Variants in NQO1 observed in about 807,000 individuals in gnomAD.
The protein encoded by NQO1 is NAD(P)H dehydrogenase [quinone] 1.
Under a neutral mutation model 32.1 loss-of-function variants are expected in NQO1, and 30 were observed. The ratio of observed to expected loss-of-function variants is 0.94; its 90% CI spans 0.70 to 1.27. The LOEUF is 1.27. Among genes scored for constraint, NQO1 ranks in the 50% most tolerant of loss-of-function variants. The pLI, the probability that NQO1 is intolerant of heterozygous loss-of-function variation, is 0.00. For missense variants in NQO1, 276 were observed against 331.3 expected (o/e 0.83, Z 1.30); for synonymous variants, 109 against 119.7 (o/e 0.91, Z 0.59).
chr16:69,715,215 G>T, intron 3 of NQO1, 138 bp from the exon 4 acceptor site: 1 of 651,230 alleles, frequency 1.5e-6, no homozygotes, highest in South Asian at 1.7e-5. Flanking sequence ...CTCCTGGGGA[G>T]TTAGCACTTT....
At chr16:69,717,679 CT>C (rs903363093) in intron 3 of NQO1, among the ~76,000 whole-genome samples, 12 of 151,218 alleles carry the variant, frequency 7.9e-5, no homozygotes, top group African/African-American at 2.9e-4. Context: ...GTGGCGCAAT[CT>C]TGGTTCACTT....
Position 69,711,242 on chromosome 16 carries a change from G to A in NQO1, c.559C>T (p.Pro187Ser), listed in dbSNP as rs1800566. 333,132 of 1,610,182 alleles carry A rather than the reference G, an allele frequency of 0.21. 37,821 individuals are homozygous for A. The highest frequency in any genetic ancestry group is 0.42 in the East Asian group (18,730 of 44,736). Residue 187 changes from proline to serine, a missense_variant, in exon 6 of 6, where the codon CCT becomes TCT. By Grantham distance (74) the Pro-to-Ser change is moderately conservative (BLOSUM62 -1). Coordinates refer to ENST00000320623, the MANE Select transcript of NQO1 (RefSeq NM_000903.3). ...TGCCCAATGCTATATGTCAGTTGAG[G>A]TTCTAAGACTTGGAAGCCACAGAAA... ...LHFCGFQVLEPQLTYSIGHTP... is the reference protein window; with the variant it reads ...LHFCGFQVLESQLTYSIGHTP...
rs114497200 is a variant in NQO1, at chr16:69,715,891, G to A, written c.304-814C>T. On this transcript the variant is annotated intron_variant, in intron 3 of 5. Transcript: ENST00000320623. ...AACTAATAATCAGTGTGATGGCTGA[G>A]TGTGGTTGCTCATGCCTATAATCCC... Among the ~76,000 whole-genome samples the A allele has an allele frequency of 8.8e-3, 1,336 of 152,220 alleles. 19 individuals carry two copies. Among genetic ancestry groups the A allele is most frequent in the African/African-American group, 0.031 (1,278 of 41,522 alleles).
At chr16:69,721,720 G>A (rs943265856) in intron 1 of NQO1, among the ~76,000 whole-genome samples, 17 of 151,574 alleles carry the variant, frequency 1.1e-4, no homozygotes, top group African/African-American at 1.5e-4. Context: ...GTGGCTGGGC[G>A]TGGTGGCTCA....
chr16:69,724,924 C>G (rs1478103745), intron 1 of NQO1, among the ~76,000 whole-genome samples: 1 of 152,150 alleles, frequency 6.6e-6, no homozygotes, highest in Non-Finnish European at 1.5e-5. Context: ...CCCTTTTCAC[C>G]TCATTACCAC....
chr16:69,711,654 C>CTTTT (rs903633662), intron 5 of NQO1, among the ~76,000 whole-genome samples: 1 of 136,722 alleles, frequency 7.3e-6, no homozygotes, highest in Non-Finnish European at 1.6e-5. Flanking sequence ...TTTTCTTTTT[C>CTTTT]TTTTTTTTTT....
chr16:69,710,665 C>A lies in NQO1; in HGVS notation c.*311G>T. The A allele has an allele frequency of 3.2e-6, 1 of 311,430 alleles. No individual in the cohort carries two copies. Among genetic ancestry groups the A allele is most frequent in the Non-Finnish European group, 6.0e-6 (1 of 167,924 alleles). 19.3% of individuals were successfully genotyped at this position (311,430 alleles called of 1,614,324 possible). ...TGAATGATACCTAGCCAAACTGTAC[C>A]CTAAAACTTTAGCCCTAAAAAGAGG... On this transcript the variant is annotated 3_prime_UTR_variant, in exon 6 of 6. Transcript: ENST00000320623.
rs566759721 is a variant in NQO1, at chr16:69,714,623, TAA to T, written c.417+339_417+340del. Among the ~76,000 whole-genome samples, 275 of 151,142 alleles carry T rather than the reference TAA, an allele frequency of 1.8e-3. 1 individual carries two copies. Among genetic ancestry groups the T allele is most frequent in the African/African-American group, 6.3e-3 (258 of 41,202 alleles). The stretch of plus-strand genomic sequence containing the variant: ...AGCCGGGCACAGTGGCTCACACCGG[TAA>T]TCACAGCACTTTGGGAGGCTGAGGC... On this transcript the variant is annotated intron_variant, in intron 4 of 5. Coordinates refer to ENST00000320623, the MANE Select transcript of NQO1 (RefSeq NM_000903.3).
At chr16:69,717,986 C>A in intron 3 of NQO1, 137 bp downstream of exon 3, 1 of 1,236,018 alleles carries the variant, frequency 8.1e-7, no homozygotes, top group South Asian at 1.4e-5. Flanking sequence ...AATACTGCAC[C>A]TTTAAAGTAA....
rs1029807571 is a variant in NQO1, at chr16:69,709,727, A to T, written c.*1249T>A. On this transcript the variant is annotated 3_prime_UTR_variant, in exon 6 of 6. Transcript: ENST00000320623. ...TATCATATTCTCCTTGAATTATATA[A>T]TACCAACAGTGGAATGAGATGACTT... The T allele has an allele frequency of 7.5e-6, 3 of 398,396 alleles. No homozygotes were observed. Among genetic ancestry groups the T allele is most frequent in the Admixed American group, 4.4e-5 (1 of 22,706 alleles). 24.7% of individuals were successfully genotyped at this position (398,396 alleles called of 1,614,324 possible). A position where few individuals can be genotyped will look rare whatever the true frequency, so the allele number is the denominator to read the frequency against.
rs1379097046 is a variant in NQO1 at position 69,710,741 on chromosome 16, C to T, written c.*235G>A. Reference sequence around the variant, plus strand: ...AGAACATTTTTCTAGCATCTTTCTACATCTTTCCCTAAGTGGCCTCTTGAG... The same window carrying T: ...AGAACATTTTTCTAGCATCTTTCTATATCTTTCCCTAAGTGGCCTCTTGAG... On this transcript the variant is annotated 3_prime_UTR_variant, in exon 6 of 6. Coordinates refer to ENST00000320623, the MANE Select transcript of NQO1 (RefSeq NM_000903.3). 1.2e-5 allele frequency: 6 copies of T among 521,706 alleles called. No individual in the cohort carries two copies. Among genetic ancestry groups the T allele is most frequent in the Admixed American group, 3.5e-5 (1 of 28,632 alleles). The allele number at this position is 521,706 out of a possible 1,614,324, so 32.3% of individuals were successfully genotyped here.
At chr16:69,717,981 T>C (rs2038136487) in intron 3 of NQO1, 142 bp downstream of exon 3, 2 of 1,177,510 alleles carry the variant, frequency 1.7e-6, no homozygotes, top group Non-Finnish European at 2.4e-6. Flanking sequence ...CATGTAATAC[T>C]GCACCTTTAA....
rs543550011 is a variant in NQO1 at position 69,715,184 on chromosome 16, C to T, written c.304-107G>A. ...CATGATGGCACTGTGTGGGAAGCCC[C>T]TCTTCACACCTTTCCCATTCCTCCT... On this transcript the variant is annotated intron_variant, in intron 3 of 5. Coordinates refer to ENST00000320623, the MANE Select transcript of NQO1 (RefSeq NM_000903.3). 14 of 759,640 alleles carry T rather than the reference C, an allele frequency of 1.8e-5. No individual in the cohort carries two copies. In the East Asian group the frequency reaches 2.8e-4, roughly 15 times the overall value. The allele number at this position is 759,640 out of a possible 1,614,324, so 47.1% of individuals were successfully genotyped here. A position where few individuals can be genotyped will look rare whatever the true frequency, so the allele number is the denominator to read the frequency against.
rs966911168 is a variant in NQO1 at position 69,710,464 on chromosome 16, G to A, written c.*512C>T. The A allele has an allele frequency of 1.3e-5, 2 of 157,758 alleles. No individual in the cohort carries two copies. The highest frequency in any genetic ancestry group is 4.8e-5 in the African/African-American group (2 of 41,422). The allele number at this position is 157,758 out of a possible 1,614,324, so 9.8% of individuals were successfully genotyped here. ...CTGACCAAGAGTGGTACTTGTGCTA[G>A]GCATATTAGTAACTGCTTTGTAATT... On this transcript the variant is annotated 3_prime_UTR_variant, in exon 6 of 6. Coordinates refer to ENST00000320623, the MANE Select transcript of NQO1 (RefSeq NM_000903.3).
At position 69,709,720 on chromosome 16, in the gene NQO1, T is replaced by C. The variant is rs761263569; in HGVS notation, c.*1256A>G. 1 of 398,468 alleles carries C rather than the reference T, an allele frequency of 2.5e-6. No individual in the cohort carries two copies. Among genetic ancestry groups the C allele is most frequent in the Non-Finnish European group, 4.4e-6 (1 of 225,996 alleles). The allele number at this position is 398,468 out of a possible 1,614,324, so 24.7% of individuals were successfully genotyped here. A position where few individuals can be genotyped will look rare whatever the true frequency, so the allele number is the denominator to read the frequency against. On this transcript the variant is annotated 3_prime_UTR_variant, in exon 6 of 6. Coordinates refer to ENST00000320623, the MANE Select transcript of NQO1 (RefSeq NM_000903.3). ...AGTGTTTTATCATATTCTCCTTGAA[T>C]TATATAATACCAACAGTGGAATGAG... is the stretch of plus-strand genomic sequence containing the variant.
At chr16:69,711,710 A>G (rs2038043971) in intron 5 of NQO1, among the ~76,000 whole-genome samples, 2 of 142,852 alleles carry the variant, frequency 1.4e-5, no homozygotes, top group African/African-American at 5.3e-5. Context: ...CTGGAGTGCC[A>G]TGGCACGATC....
At chr16:69,724,086 G>T (rs1026677934) in intron 1 of NQO1, among the ~76,000 whole-genome samples, 2 of 151,904 alleles carry the variant, frequency 1.3e-5, no homozygotes, top group African/African-American at 2.4e-5. Context: ...GACCGAGGCG[G>T]GTGGATTACT....
At chr16:69,724,561 G>T (rs1157565873) in intron 1 of NQO1, among the ~76,000 whole-genome samples, 2 of 151,682 alleles carry the variant, frequency 1.3e-5, no homozygotes, top group African/African-American at 4.8e-5. Flanking sequence ...AATTAGCTGG[G>T]TGTGGTGGCA....
At chr16:69,717,744 C>T (rs2038133504) in intron 3 of NQO1, among the ~76,000 whole-genome samples, 1 of 152,122 alleles carries the variant, frequency 6.6e-6, no homozygotes, top group South Asian at 2.1e-4. Context: ...TCCAGAGTAG[C>T]TGGGACTACA....
Sources: allele counts gnomAD v4.1 joint callset (sites outside exome capture counted in the v4.1 genomes callset), GRCh38; gene constraint gnomAD v4.1.1; transcripts MANE v1.5; gene names NCBI Gene and HGNC (gene_info 2026-07-23, HGNC 2026-07-21).